GNG7: variants seen among roughly 807,000 people sequenced by gnomAD.
The protein encoded by GNG7 is G protein subunit gamma 7.
Under a neutral mutation model 4.0 loss-of-function variants are expected in GNG7, and 1 was observed. The observed-to-expected ratio is 0.25, with a 90% CI of 0.09 to 1.18. The LOEUF (loss-of-function observed/expected upper bound fraction) is 1.18, where lower values mean the gene tolerates loss of function less well. GNG7 is among the 50% of genes most tolerant of loss of function. The probability of loss-of-function intolerance (pLI) is 0.50; values close to 1 mark genes in which losing one functional copy is unlikely to be tolerated. For synonymous variants in GNG7, 34 were observed against 36.9 expected, an observed-to-expected ratio of 0.92 and a Z score of 0.29; for missense variants, 86 against 91.9, an observed-to-expected ratio of 0.94 and a Z score of 0.26.
In GNG7 at chr19:2,614,161, C is replaced by G. The variant is rs182065870; in HGVS notation, c.-78+32063G>C. Among the ~76,000 whole-genome samples the G allele has an allele frequency of 5.9e-5, 9 of 152,168 alleles. No homozygotes were observed. The highest frequency in any genetic ancestry group is 2.0e-4 in the Admixed American group (3 of 15,276). On this transcript the variant is annotated intron_variant, in intron 2 of 4. Transcript: ENST00000382159. This position sits in a 1 kb window ranked among gnomAD's most constrained non-coding sequence, Gnocchi z 6.0. ...GCACTGGGAGCAGACTCAAGAGGCT[C>G]GAGAGGTCCCAGGAGGGCGGGAAGA...
chr19:2,601,407 G>C (rs942281063), intron 2 of GNG7, among the ~76,000 whole-genome samples: 3 of 152,112 alleles, frequency 2.0e-5, no homozygotes, highest in Admixed American at 6.6e-5. Context: ...GTCCTGCCAC[G>C]GCGCGGCTCG....
chr19:2,580,580 C>T (rs1481941872), intron 2 of GNG7, among the ~76,000 whole-genome samples: 2 of 151,862 alleles, frequency 1.3e-5, no homozygotes, highest in African/African-American at 2.4e-5. Flanking sequence ...CATGAACCAC[C>T]GTGCCCAGCT....
chr19:2,645,761 T>C (rs1982648032), intron 2 of GNG7, among the ~76,000 whole-genome samples: 1 of 152,122 alleles, frequency 6.6e-6, no homozygotes. Context: ...TTTTAAATGG[T>C]TTCCTCTTCC....
At chr19:2,637,051 C>T (rs1413339875) in intron 2 of GNG7, among the ~76,000 whole-genome samples, 1 of 151,990 alleles carries the variant, frequency 6.6e-6, no homozygotes, top group Admixed American at 6.6e-5. Context: ...CCTGCACACC[C>T]ACTGCACCCC....
intron 2 of GNG7, among the ~76,000 whole-genome samples, chr19:2,645,245 T>C (rs549091415): frequency 8.6e-5 from 12 of 139,214 alleles, no homozygotes; most frequent in East Asian, 8.0e-4. Flanking sequence ...CTCTCTCTCT[T>C]TTTTTTTTTT....
intron 1 of GNG7, among the ~76,000 whole-genome samples, chr19:2,673,257 C>CAAAAA (rs754605877): frequency 3.3e-4 from 36 of 108,010 alleles, no homozygotes; most frequent in East Asian, 7.1e-4. Flanking sequence ...GATTCCATCT[C>CAAAAA]AAAAAAAAAA....
intron 2 of GNG7, among the ~76,000 whole-genome samples, chr19:2,585,943 A>G (rs1461946813): frequency 1.3e-5 from 2 of 151,862 alleles, no homozygotes; most frequent in Non-Finnish European, 2.9e-5. Context: ...CTCGTGATCC[A>G]CCCGCCTCGG....
At chr19:2,667,080 G>A (rs1006931013) in intron 1 of GNG7, among the ~76,000 whole-genome samples, 3 of 152,238 alleles carry the variant, frequency 2.0e-5, no homozygotes, top group African/African-American at 7.2e-5. Flanking sequence ...AGCACTTTGG[G>A]AGGCTGAGGC....
intron 2 of GNG7, among the ~76,000 whole-genome samples, chr19:2,629,549 C>T (rs1421997676): frequency 6.6e-6 from 1 of 152,188 alleles, no homozygotes; most frequent in Non-Finnish European, 1.5e-5. Context: ...CACCCCCTCC[C>T]CACGACAAAG....
At chr19:2,657,389 T>C (rs1353192399) in intron 1 of GNG7, among the ~76,000 whole-genome samples, 5 of 89,568 alleles carry the variant, frequency 5.6e-5, no homozygotes, top group African/African-American at 2.4e-4. Flanking sequence ...TATATATATA[T>C]ATATATATAT....
intron 3 of GNG7, among the ~76,000 whole-genome samples, chr19:2,554,556 TATA>T (rs200290783): frequency 1.7e-4 from 10 of 58,644 alleles, no homozygotes; most frequent in East Asian, 1.0e-3. Flanking sequence ...TATATATATA[TATA>T]TTTTTTTTTT....
intron 3 of GNG7, among the ~76,000 whole-genome samples, chr19:2,550,218 T>A (rs2144756329): frequency 6.6e-6 from 1 of 152,072 alleles, no homozygotes; most frequent in East Asian, 1.9e-4. Context: ...GTGGCGACCC[T>A]CCTTGCTGGC....
At chr19:2,563,733 CGGCCTCCCAAAGTGCTG>C (rs1979817383) in intron 2 of GNG7, among the ~76,000 whole-genome samples, 1 of 152,150 alleles carries the variant, frequency 6.6e-6, no homozygotes, top group Admixed American at 6.6e-5. Flanking sequence ...CTGCCCACCT[CGGCCTCCCAAAGTGCTG>C]GGATAATAGG....
intron 3 of GNG7, among the ~76,000 whole-genome samples, chr19:2,531,089 T>C (rs1400446500): frequency 1.3e-5 from 2 of 152,042 alleles, no homozygotes; most frequent in African/African-American, 4.8e-5. Flanking sequence ...GTGGATGACC[T>C]GAGGTCGGGA....
intron 2 of GNG7, among the ~76,000 whole-genome samples, chr19:2,575,751 A>ACGCAGACACGCAGGCACC (rs1338984246): frequency 8.3e-6 from 1 of 120,648 alleles, no homozygotes; most frequent in Non-Finnish European, 1.7e-5. Context: ...ACGCAGGCAC[A>ACGCAGACACGCAGGCACC]CGCAGACACG....
chr19:2,573,181 C>T lies in GNG7; in HGVS notation c.-77-17993G>A, dbSNP rs148065340. Among the ~76,000 whole-genome samples, 597 of 151,560 alleles carry T rather than the reference C, an allele frequency of 3.9e-3. 3 individuals are homozygous for T. Among genetic ancestry groups the T allele is most frequent in the African/African-American group, 0.014 (571 of 41,330 alleles). ...GCTGGGATTACAGGCGCCACCACAC[C>T]CGGCTAATTTTTTGTATTTTTAGTA... On this transcript the variant is annotated intron_variant, in intron 2 of 4. Coordinates refer to ENST00000382159, the MANE Select transcript of GNG7 (RefSeq NM_052847.3).
At chr19:2,529,469 G>A (rs1226179988) in intron 3 of GNG7, among the ~76,000 whole-genome samples, 2 of 151,942 alleles carry the variant, frequency 1.3e-5, no homozygotes, top group Admixed American at 6.6e-5. Flanking sequence ...CCACCTGCCT[G>A]GGCCTCCCAA....
At chr19:2,693,626 C>A (rs1283755509) in intron 1 of GNG7, among the ~76,000 whole-genome samples, 3 of 151,944 alleles carry the variant, frequency 2.0e-5, no homozygotes, top group Non-Finnish European at 4.4e-5. Flanking sequence ...CTCTGGGGTG[C>A]GGCCATCCTG....
At chr19:2,544,228 A>T (rs1360724936) in intron 3 of GNG7, among the ~76,000 whole-genome samples, 1 of 152,152 alleles carries the variant, frequency 6.6e-6, no homozygotes, top group East Asian at 1.9e-4. Flanking sequence ...GTAGTTTGGG[A>T]GAGAAGAGAA....
Sources: allele counts gnomAD v4.1 joint callset (sites outside exome capture counted in the v4.1 genomes callset), GRCh38; gene constraint gnomAD v4.1.1; non-coding constraint Gnocchi (gnomAD v3.1); transcripts MANE v1.5; gene names NCBI Gene and HGNC (gene_info 2026-07-23, HGNC 2026-07-21).